The following RGS6 variants were observed in gnomAD, a reference collection of about 807,000 sequenced individuals.
The protein encoded by RGS6 is regulator of G protein signaling 6.
RGS6 carries 30 observed loss-of-function variants against 78.5 expected under a neutral mutation model. The ratio of observed to expected loss-of-function variants is 0.38; its 90% CI spans 0.29 to 0.52. The LOEUF (loss-of-function observed/expected upper bound fraction) is 0.52, where lower values mean the gene tolerates loss of function less well. Ranked by LOEUF, RGS6 falls within the 20% of genes least tolerant of loss-of-function variation. RGS6 has a pLI of 0.85. For missense variants in RGS6, 495 were observed against 609.7 expected, an observed-to-expected ratio of 0.81 and a Z score of 1.98; for synonymous variants, 206 against 206.0, an observed-to-expected ratio of 1.00 and a Z score of 0.00.
At chr14:71,914,377 T>C in the RGS6 span, among the ~76,000 whole-genome samples, 186 of 152,326 alleles carry the variant, frequency 1.2e-3, 1 homozygote, top group African/African-American at 4.1e-3. Flanking sequence ...GTAGAATAAA[T>C]TTGGGGAACC....
intron 13 of RGS6, among the ~76,000 whole-genome samples, chr14:72,509,431 T>C (rs1376610771): frequency 6.6e-6 from 1 of 151,932 alleles, no homozygotes; most frequent in Admixed American, 6.5e-5. Context: ...ATTCTTGACT[T>C]CATTACTTCC....
At chr14:72,619,398 C>G in the RGS6 span, 3 of 1,533,302 alleles carry the variant, frequency 2.0e-6, no homozygotes, top group Non-Finnish European at 1.7e-6. Context: ...TTAGTAGCAG[C>G]CCCTCTGCTA....
chr14:72,410,412 GTTGT>G (rs1455880348), intron 3 of RGS6, among the ~76,000 whole-genome samples: 3 of 152,146 alleles, frequency 2.0e-5, no homozygotes, highest in Non-Finnish European at 2.9e-5. Context: ...TGTTGATGGG[GTTGT>G]TTGTTTTTTT....
At chr14:72,346,960 T>A (rs905257323) in intron 2 of RGS6, among the ~76,000 whole-genome samples, 1 of 152,242 alleles carries the variant, frequency 6.6e-6, no homozygotes, top group Admixed American at 6.5e-5. Context: ...TTTGGAAGAA[T>A]GTTTTACCTG....
chr14:72,547,787 T>TATC (rs1464527800), intron 17 of RGS6, among the ~76,000 whole-genome samples: 5 of 152,090 alleles, frequency 3.3e-5, no homozygotes, highest in Non-Finnish European at 7.4e-5. Context: ...GGCCACATTG[T>TATC]ATCAGCCTGA....
At chr14:71,986,884 T>C (rs550721658) in intron 2 of RGS6, among the ~76,000 whole-genome samples, 2 of 152,222 alleles carry the variant, frequency 1.3e-5, no homozygotes, top group South Asian at 4.2e-4. Context: ...TAGCCCCACA[T>C]CAGTCCCACC....
chr14:72,452,964 C>T (rs1053369110), intron 3 of RGS6, among the ~76,000 whole-genome samples: 6 of 152,200 alleles, frequency 3.9e-5, no homozygotes, highest in Non-Finnish European at 7.3e-5. Flanking sequence ...TGAGGAACTC[C>T]AGGCCACACC....
chr14:72,113,423 C>T (rs952771523), intron 2 of RGS6, among the ~76,000 whole-genome samples: 1 of 152,118 alleles, frequency 6.6e-6, no homozygotes, highest in Non-Finnish European at 1.5e-5. Flanking sequence ...GGTTGAGGAG[C>T]CCCAGAAGCC....
chr14:72,418,305 A>G (rs1424478526), intron 3 of RGS6, among the ~76,000 whole-genome samples: 1 of 151,948 alleles, frequency 6.6e-6, no homozygotes, highest in Admixed American at 6.6e-5. Flanking sequence ...TAGCTGGGAT[A>G]ACAGGCACCT....
At chr14:72,113,160 G>C (rs888796238) in intron 2 of RGS6, among the ~76,000 whole-genome samples, 1 of 152,186 alleles carries the variant, frequency 6.6e-6, no homozygotes, top group African/African-American at 2.4e-5. Context: ...GCTGGGGCAA[G>C]CCCCCCGACA....
At chr14:72,013,688 T>C (rs910455052) in intron 2 of RGS6, among the ~76,000 whole-genome samples, 1 of 152,258 alleles carries the variant, frequency 6.6e-6, no homozygotes, top group Non-Finnish European at 1.5e-5. Flanking sequence ...TAAATATTCA[T>C]GAGCAAATAT....
At chr14:72,112,686 T>A (rs961629142) in intron 2 of RGS6, among the ~76,000 whole-genome samples, 5 of 152,188 alleles carry the variant, frequency 3.3e-5, no homozygotes, top group African/African-American at 9.7e-5. Context: ...CATCACCATT[T>A]TCAGATGAGA....
intron 2 of RGS6, among the ~76,000 whole-genome samples, chr14:72,241,155 C>CAAAAA (rs55988416): frequency 9.8e-6 from 1 of 102,142 alleles, no homozygotes; most frequent in Admixed American, 1.0e-4. Flanking sequence ...GACTCTGTCT[C>CAAAAA]AAAAAAAAAA....
the RGS6 span, among the ~76,000 whole-genome samples, chr14:71,878,279 G>A: frequency 6.6e-6 from 1 of 152,216 alleles, no homozygotes; most frequent in Non-Finnish European, 1.5e-5. Flanking sequence ...GCCACCAGAG[G>A]TGGAGTCTAC....
At chr14:72,168,094 T>A (rs1464920319) in intron 2 of RGS6, among the ~76,000 whole-genome samples, 1 of 152,180 alleles carries the variant, frequency 6.6e-6, no homozygotes, top group East Asian at 1.9e-4. Context: ...GTTAAAAGAA[T>A]TAAAAATTCT....
the RGS6 span, among the ~76,000 whole-genome samples, chr14:72,581,727 C>A: frequency 6.6e-6 from 1 of 152,238 alleles, no homozygotes; most frequent in Non-Finnish European, 1.5e-5. Context: ...ACCTACAAGA[C>A]CAAATCCTAT....
chr14:72,308,944 C>CT (rs749129101), intron 2 of RGS6, among the ~76,000 whole-genome samples: 12 of 152,146 alleles, frequency 7.9e-5, no homozygotes, highest in Non-Finnish European at 1.6e-4. Flanking sequence ...ATCTTTTTCT[C>CT]TAAAAAGCCT....
chr14:71,895,863 T>C, the RGS6 span, among the ~76,000 whole-genome samples: 1 of 152,092 alleles, frequency 6.6e-6, no homozygotes, highest in Non-Finnish European at 1.5e-5. Flanking sequence ...AGTAGAGGGC[T>C]CTCACCAACC....
chr14:71,946,376 G>A (rs1341536629), intron 1 of RGS6, among the ~76,000 whole-genome samples: 3 of 152,160 alleles, frequency 2.0e-5, no homozygotes, highest in Admixed American at 6.5e-5. Context: ...GGGGCGGGAT[G>A]TTCCGTACCC....
Sources: allele counts gnomAD v4.1 joint callset (sites outside exome capture counted in the v4.1 genomes callset), GRCh38; gene constraint gnomAD v4.1.1; transcripts MANE v1.5; gene names NCBI Gene and HGNC (gene_info 2026-07-23, HGNC 2026-07-21).